The following HSF2BP variants were observed in gnomAD, a reference collection of about 807,000 sequenced individuals.
The protein encoded by HSF2BP is heat shock factor 2-binding protein.
In HSF2BP, 35 loss-of-function variants were observed where a neutral mutation model predicts 35.0. The ratio of observed to expected loss-of-function variants is 1.00; its 90% confidence interval spans 0.76 to 1.32. The LOEUF is 1.32. Ranked by LOEUF, HSF2BP falls within the 40% of genes most tolerant of loss-of-function variation. The pLI is 0.00. For missense variants in HSF2BP, 326 were observed against 321.7 expected (o/e 1.01, Z -0.10); for synonymous variants, 114 against 117.4 (o/e 0.97, Z 0.18).
At chr21:43,652,172 G>A (rs2082795678) in intron 3 of HSF2BP, among the ~76,000 whole-genome samples, 1 of 152,184 alleles carries the variant, frequency 6.6e-6, no homozygotes. Context: ...GGAGGCCAAG[G>A]CGGGCAGATC....
chr21:43,606,948 C>A (rs1052679442), intron 7 of HSF2BP, among the ~76,000 whole-genome samples: 6 of 152,110 alleles, frequency 3.9e-5, no homozygotes, highest in African/African-American at 1.4e-4. Context: ...CCCCTAAGAA[C>A]TGGAATAAGA....
chr21:43,639,045 G>A (rs1405158737), intron 4 of HSF2BP, among the ~76,000 whole-genome samples: 1 of 152,208 alleles, frequency 6.6e-6, no homozygotes, highest in Non-Finnish European at 1.5e-5. Context: ...CAATGAAGGA[G>A]AGAGAGTCTT....
At chr21:43,586,794 T>C (rs1031359610) in intron 8 of HSF2BP, among the ~76,000 whole-genome samples, 5 of 152,104 alleles carry the variant, frequency 3.3e-5, no homozygotes, top group African/African-American at 1.2e-4. Flanking sequence ...GAGATCTTTT[T>C]TTTCCTCGAT....
At chr21:43,602,711 G>T (rs887276663) in intron 7 of HSF2BP, among the ~76,000 whole-genome samples, 1 of 152,180 alleles carries the variant, frequency 6.6e-6, no homozygotes, top group Non-Finnish European at 1.5e-5. Flanking sequence ...CTGGCCCATT[G>T]ACAGTGAAAT....
At chr21:43,617,567 A>C (rs1228965046) in intron 6 of HSF2BP, among the ~76,000 whole-genome samples, 1 of 151,630 alleles carries the variant, frequency 6.6e-6, no homozygotes, top group Non-Finnish European at 1.5e-5. Flanking sequence ...AAAAACTGCC[A>C]GTTAATTTTT....
At chr21:43,599,959 A>G (rs1318626846) in intron 7 of HSF2BP, among the ~76,000 whole-genome samples, 1 of 152,066 alleles carries the variant, frequency 6.6e-6, no homozygotes, top group South Asian at 2.1e-4. Context: ...GCTCCAAAAG[A>G]GCAACTTCCC....
intron 4 of HSF2BP, among the ~76,000 whole-genome samples, chr21:43,642,365 A>C (rs1390918936): frequency 6.6e-6 from 1 of 152,090 alleles, no homozygotes; most frequent in Non-Finnish European, 1.5e-5. Context: ...TGTCTCAAAA[A>C]ATAAATAAAT....
Position 43,603,919 on chromosome 21 carries a change from A to C in HSF2BP, c.692+9911T>G, listed in dbSNP as rs140962001. Among the ~76,000 whole-genome samples, 4 of 152,304 alleles carry C rather than the reference A, an allele frequency of 2.6e-5. No homozygotes were observed. The East Asian group carries it at 7.7e-4, about 29-fold the overall frequency. On this transcript the variant is annotated intron_variant, in intron 7 of 8. Coordinates refer to ENST00000291560, the MANE Select transcript of HSF2BP (RefSeq NM_007031.2). ...AAAAGACATGGACATGTGGCCCAAT[A>C]GCAGAATCCAGTCTGATCCACCACT... is the stretch of plus-strand genomic sequence containing the variant.
chr21:43,640,678 A>T (rs2082623987), intron 4 of HSF2BP, among the ~76,000 whole-genome samples: 1 of 152,208 alleles, frequency 6.6e-6, no homozygotes, highest in Non-Finnish European at 1.5e-5. Context: ...TATCACCACT[A>T]GGGAAAACCG....
intron 7 of HSF2BP, among the ~76,000 whole-genome samples, chr21:43,611,394 T>A (rs1210270539): frequency 6.6e-6 from 1 of 152,220 alleles, no homozygotes. Context: ...TCGCTTCCAC[T>A]GAATGCAGCT....
Position 43,613,856 on chromosome 21 carries a change from C to T in HSF2BP, c.666G>A (p.Lys222=). The change falls in exon 7 of 9, where the codon AAG becomes AAA. Residue 222 remains lysine (K), a synonymous_variant. Coordinates refer to ENST00000291560, the MANE Select transcript of HSF2BP (RefSeq NM_007031.2). ...DTILQLLGDL[K]PGQCTKLKVL... is the part of the protein sequence containing the mutation. ...CTTTGAGTTTGGTACACTGTCCTGG[C>T]TTCAAGTCTCCCAGAAGCTGCAATA... is the stretch of plus-strand genomic sequence containing the variant. 1 of 1,613,674 alleles carries T rather than the reference C, an allele frequency of 6.2e-7. No homozygotes were observed. The highest frequency in any genetic ancestry group is 8.5e-7 in the Non-Finnish European group (1 of 1,179,676).
At chr21:43,607,061 G>A (rs542417733) in intron 7 of HSF2BP, among the ~76,000 whole-genome samples, 1 of 152,178 alleles carries the variant, frequency 6.6e-6, no homozygotes, top group African/African-American at 2.4e-5. Context: ...AGCCAAGGAA[G>A]GCGGATCACT....
chr21:43,657,874 G>A (rs908023840), intron 2 of HSF2BP, 187 bp downstream of exon 2: 2 of 985,356 alleles, frequency 2.0e-6, no homozygotes, highest in African/African-American at 1.7e-5. Flanking sequence ...GTTTGGAGGC[G>A]AAGTCGCCTC....
chr21:43,605,144 CAG>C (rs2082116717), intron 7 of HSF2BP, among the ~76,000 whole-genome samples: 1 of 150,156 alleles, frequency 6.7e-6, no homozygotes, highest in South Asian at 2.1e-4. Flanking sequence ...ACACACACAT[CAG>C]ACACACCACA....
At chr21:43,648,201 T>C (rs1417788284) in intron 3 of HSF2BP, among the ~76,000 whole-genome samples, 1 of 152,170 alleles carries the variant, frequency 6.6e-6, no homozygotes, top group African/African-American at 2.4e-5. Context: ...CACCCTGATC[T>C]GTGCCCCAAG....
intron 7 of HSF2BP, among the ~76,000 whole-genome samples, chr21:43,608,964 C>T (rs1157601238): frequency 6.6e-6 from 1 of 152,106 alleles, no homozygotes; most frequent in African/African-American, 2.4e-5. Context: ...AACAGCCAGA[C>T]CCTGTCTCAA....
chr21:43,625,999 C>T (rs531457255), intron 6 of HSF2BP, among the ~76,000 whole-genome samples: 26 of 152,102 alleles, frequency 1.7e-4, no homozygotes, highest in Admixed American at 1.7e-3. Context: ...GAGAAGAAAA[C>T]GCAAATTATT....
chr21:43,626,464 T>C (rs141401013), intron 6 of HSF2BP, among the ~76,000 whole-genome samples: 1 of 152,298 alleles, frequency 6.6e-6, no homozygotes, highest in African/African-American at 2.4e-5. Context: ...CGGCTGCAAA[T>C]TCTGCATTTT....
At position 43,656,775 on chromosome 21, in the gene HSF2BP, CAT is replaced by C. The variant is rs768710714; in HGVS notation, c.37-40_37-39del. 7 of 1,566,486 alleles carry C rather than the reference CAT, an allele frequency of 4.5e-6. No homozygotes were observed. In the East Asian group the frequency reaches 9.0e-5, roughly 20 times the overall value. On this transcript the variant is annotated intron_variant, in intron 2 of 8. Transcript: ENST00000291560. ...GCAGATCTTATTATATTTCTCTTCA[CAT>C]GAGAAAAAAAACAACAGCTCAAGTT...
Sources: gnomAD v4.1 joint callset for allele counts (sites outside exome capture counted in the v4.1 genomes callset) on GRCh38, gnomAD v4.1.1 for gene constraint, MANE v1.5 for transcripts, NCBI Gene and HGNC (gene_info 2026-07-23, HGNC 2026-07-21) for gene names.